TAF3: variants seen among roughly 807,000 people sequenced by gnomAD.
TAF3 encodes the protein transcription initiation factor TFIID subunit 3.
In TAF3, 7 loss-of-function variants were observed where a neutral mutation model predicts 80.6. The ratio of observed to expected loss-of-function variants is 0.09; its 90% CI spans 0.05 to 0.16. The LOEUF is 0.16. Ranked by LOEUF, TAF3 falls within the 10% of genes least tolerant of loss-of-function variation. TAF3 has a pLI of 1.00. For missense variants in TAF3, 921 were observed against 1,140.2 expected (o/e 0.81, Z 2.77); for synonymous variants, 444 against 446.1 (o/e 1.00, Z 0.06).
intron 2 of TAF3, among the ~76,000 whole-genome samples, chr10:7,865,814 G>A (rs1489012720): frequency 1.3e-5 from 2 of 152,182 alleles, no homozygotes; most frequent in Non-Finnish European, 2.9e-5. Flanking sequence ...GGACTCTCCC[G>A]TCACCTCCCC....
At chr10:7,904,833 G>A (rs530279301) in intron 2 of TAF3, among the ~76,000 whole-genome samples, 1 of 152,194 alleles carries the variant, frequency 6.6e-6, no homozygotes, top group African/African-American at 2.4e-5. Context: ...GGGGCCGACC[G>A]TAACTGGCTG....
chr10:7,873,760 A>G (rs944862062), intron 2 of TAF3, among the ~76,000 whole-genome samples: 1 of 152,212 alleles, frequency 6.6e-6, no homozygotes, highest in Non-Finnish European at 1.5e-5. Context: ...AGGCTGTCCT[A>G]GTTCCTTGAT....
At chr10:7,896,285 A>G (rs937087792) in intron 2 of TAF3, among the ~76,000 whole-genome samples, 10 of 152,186 alleles carry the variant, frequency 6.6e-5, no homozygotes, top group African/African-American at 2.4e-4. Context: ...AATGGGGGGA[A>G]AACGTAGACC....
chr10:7,920,330 GTA>G (rs926099597), intron 2 of TAF3, among the ~76,000 whole-genome samples: 21 of 33,680 alleles, frequency 6.2e-4, no homozygotes, highest in East Asian at 4.2e-3. Context: ...GTGTGTGTGT[GTA>G]TGTGTGTGTG....
chr10:7,872,894 G>A (rs1299145189), intron 2 of TAF3, among the ~76,000 whole-genome samples: 7 of 152,206 alleles, frequency 4.6e-5, no homozygotes, highest in Non-Finnish European at 1.0e-4. Context: ...GGCTGCCTTG[G>A]GAAATATTTG....
intron 4 of TAF3, among the ~76,000 whole-genome samples, chr10:7,980,464 A>C (rs1034658012): frequency 2.0e-5 from 3 of 152,166 alleles, no homozygotes; most frequent in African/African-American, 7.2e-5. Context: ...CTGTATTCTA[A>C]AGGAGTCAAT....
intron 4 of TAF3, among the ~76,000 whole-genome samples, chr10:7,985,807 G>A (rs1189329409): frequency 7.3e-6 from 1 of 136,276 alleles, no homozygotes; most frequent in Non-Finnish European, 1.5e-5. Flanking sequence ...TTTTTGAGAC[G>A]GAATCTCACT....
At chr10:7,957,908 T>A (rs917231445) in intron 2 of TAF3, among the ~76,000 whole-genome samples, 1 of 152,078 alleles carries the variant, frequency 6.6e-6, no homozygotes, top group Admixed American at 6.6e-5. Context: ...AATTTTTTTT[T>A]ATTATTTTTG....
At chr10:7,883,837 T>C (rs1161083179) in intron 2 of TAF3, among the ~76,000 whole-genome samples, 3 of 152,216 alleles carry the variant, frequency 2.0e-5, no homozygotes, top group African/African-American at 7.2e-5. Context: ...AATTTATCTC[T>C]TATGGTTATG....
chr10:7,858,087 A>C (rs1246143047), intron 2 of TAF3, among the ~76,000 whole-genome samples: 1 of 152,094 alleles, frequency 6.6e-6, no homozygotes. Context: ...GTTTTGTTAC[A>C]AATAGGGACA....
chr10:7,878,265 C>T (rs559980104), intron 2 of TAF3, among the ~76,000 whole-genome samples: 44 of 152,264 alleles, frequency 2.9e-4, no homozygotes, highest in African/African-American at 1.1e-3. Context: ...AAAGGCCTGT[C>T]AGTAGTAGAC....
At position 7,818,728 on chromosome 10, in the gene TAF3, A is replaced by G; in HGVS notation, c.19A>G (p.Arg7Gly). The G allele has an allele frequency of 6.2e-7, 1 of 1,603,756 alleles. No individual in the cohort carries two copies. The highest frequency in any genetic ancestry group is 1.4e-5 in the African/African-American group (1 of 73,492). The change falls in exon 1 of 7, where the codon AGG becomes GGG. Residue 7 changes from arginine (R) to glycine (G), a missense_variant. Arg to Gly is a moderately radical substitution (Grantham distance 125, BLOSUM62 -2). Around this residue, in one of 6 missense-constraint regions of TAF3, gnomAD observed 106 missense variants for 191.8 expected, o/e 0.55. Coordinates refer to ENST00000344293, the MANE Select transcript of TAF3 (RefSeq NM_031923.4). MCESYS[R>G]SLLRVSVAQI... Reference sequence around the variant, plus strand: ...CAGCGGGATGTGCGAGAGTTACTCCAGGTCGTTGTTGAGGGTCTCGGTGGC... The same window carrying G: ...CAGCGGGATGTGCGAGAGTTACTCCGGGTCGTTGTTGAGGGTCTCGGTGGC...
At chr10:7,853,730 T>G (rs1179071011) in intron 2 of TAF3, among the ~76,000 whole-genome samples, 2 of 152,202 alleles carry the variant, frequency 1.3e-5, no homozygotes, top group Non-Finnish European at 2.9e-5. Context: ...GGTGACTGCT[T>G]TGGCACTACA....
intron 3 of TAF3, among the ~76,000 whole-genome samples, chr10:7,973,956 T>G (rs1831645227): frequency 6.6e-6 from 1 of 152,040 alleles, no homozygotes; most frequent in Non-Finnish European, 1.5e-5. Context: ...GGTGAAACCC[T>G]GTCTCTAATA....
chr10:7,989,332 A>G lies in TAF3; in HGVS notation c.2315+12009A>G, dbSNP rs538267074. ...AGGGCTGAAGGCAGGGGCAAGGCAA[A>G]TGGGTGCTGTGTAGAGACAGGCAAA... is the stretch of plus-strand genomic sequence containing the variant. On this transcript the variant is annotated intron_variant, in intron 4 of 6. Coordinates refer to ENST00000344293, the MANE Select transcript of TAF3 (RefSeq NM_031923.4). 2.2e-3 allele frequency among the ~76,000 whole-genome samples: 340 copies of G among 152,316 alleles called. 1 individual carries two copies. The highest frequency in any genetic ancestry group is 3.4e-3 in the Middle Eastern group (1 of 294).
chr10:7,926,932 A>G (rs989760555), intron 2 of TAF3, among the ~76,000 whole-genome samples: 2 of 152,172 alleles, frequency 1.3e-5, no homozygotes, highest in African/African-American at 2.4e-5. Context: ...CAACGTGTGT[A>G]TATATATTAT....
chr10:7,848,099 C>T (rs1836990546), intron 2 of TAF3, among the ~76,000 whole-genome samples: 1 of 152,188 alleles, frequency 6.6e-6, no homozygotes, highest in Non-Finnish European at 1.5e-5. Flanking sequence ...TTTTCACTAT[C>T]TTTTTATTCA....
At chr10:7,929,573 A>G (rs1375769650) in intron 2 of TAF3, among the ~76,000 whole-genome samples, 1 of 151,658 alleles carries the variant, frequency 6.6e-6, no homozygotes, top group Non-Finnish European at 1.5e-5. Context: ...AATTTTTGTG[A>G]TTTTATAGAC....
intron 2 of TAF3, among the ~76,000 whole-genome samples, chr10:7,854,226 A>T (rs1837056747): frequency 6.6e-6 from 1 of 152,240 alleles, no homozygotes; most frequent in Admixed American, 6.5e-5. Flanking sequence ...ATGAGAATTT[A>T]GTACTGCACA....
Sources: gnomAD v4.1 joint callset for allele counts (sites outside exome capture counted in the v4.1 genomes callset) on GRCh38, gnomAD v4.1.1 for gene constraint, gnomAD v4.1.1 regional missense constraint, MANE v1.5 for transcripts, NCBI Gene and HGNC (gene_info 2026-07-23, HGNC 2026-07-21) for gene names.